CACNA1I: variants seen among roughly 807,000 people sequenced by gnomAD.
CACNA1I encodes the protein voltage-dependent T-type calcium channel subunit alpha-1I.
A neutral mutation model predicts 201.6 loss-of-function variants in CACNA1I; 74 were observed. The observed-to-expected ratio is 0.37, with a 90% CI of 0.30 to 0.45. The LOEUF is 0.45. Among genes scored for constraint, CACNA1I ranks in the 20% least tolerant of loss-of-function variants. The pLI, the probability that CACNA1I is intolerant of heterozygous loss-of-function variation, is 1.00. For missense variants in CACNA1I, 2,346 were observed against 3,138.1 expected (o/e 0.75, Z 6.03); for synonymous variants, 1,431 against 1,345.2 (o/e 1.06, Z -1.40).
intron 3 of CACNA1I, among the ~76,000 whole-genome samples, chr22:39,610,323 G>A (rs1383494261): frequency 1.3e-5 from 2 of 152,234 alleles, no homozygotes; most frequent in East Asian, 1.9e-4. Context: ...AGGCACGAAA[G>A]AGCTGGGGAG....
chr22:39,624,762 G>A (rs1368205262), intron 4 of CACNA1I, among the ~76,000 whole-genome samples: 1 of 152,226 alleles, frequency 6.6e-6, no homozygotes, highest in Non-Finnish European at 1.5e-5. Flanking sequence ...TTGAGGTGGG[G>A]AAGGGGTGGC....
Position 39,685,960 on chromosome 22 carries a change from G to T in CACNA1I, c.6227G>T (p.Ser2076Ile). ...AGCCTGCGCGGCCGGGGCCTCTTCA[G>T]CCTGCGGGGGCTGCGGGCGCATCAG... ...RLSLRGRGLF[S>I]LRGLRAHQRS... The change falls in exon 37 of 37, where the codon AGC (serine) becomes ATC (isoleucine). Residue 2076 changes from serine (S) to isoleucine (I), a missense_variant. Physicochemically the swap from Ser to Ile is moderately radical, Grantham distance 142. Around this residue, in one of 13 missense-constraint regions of CACNA1I, gnomAD observed 441 missense variants for 555.6 expected, o/e 0.79. Coordinates refer to ENST00000402142, the MANE Select transcript of CACNA1I (RefSeq NM_021096.4). The surrounding 1 kb of genome is among the most constrained non-coding windows in gnomAD (Gnocchi z 5.0). The T allele has an allele frequency of 3.2e-6, 4 of 1,261,032 alleles. No homozygotes were observed. Among genetic ancestry groups the T allele is most frequent in the Non-Finnish European group, 4.0e-6 (4 of 1,010,630 alleles). 78.1% of individuals were successfully genotyped at this position (1,261,032 alleles called of 1,614,324 possible).
intron 24 of CACNA1I, among the ~76,000 whole-genome samples, chr22:39,669,611 G>T (rs906208427): frequency 3.3e-5 from 5 of 152,004 alleles, no homozygotes; most frequent in Admixed American, 2.6e-4. Flanking sequence ...CTGGTGGGTA[G>T]ATGGATGGGT....
Position 39,604,290 on chromosome 22 carries a change from G to A in CACNA1I, c.482+3637G>A, listed in dbSNP as rs186915996. Among the ~76,000 whole-genome samples, 316 of 152,282 alleles carry A rather than the reference G, an allele frequency of 2.1e-3. 1 individual carries two copies. The highest frequency in any genetic ancestry group is 3.8e-3 in the Non-Finnish European group (259 of 68,026). The stretch of plus-strand genomic sequence containing the variant: ...GGCTCTAAGCTGAGCAGGGTGAAGA[G>A]CTGCCTAGCTTCAGCATTGTGGTGA... On this transcript the variant is annotated intron_variant, in intron 3 of 36. Coordinates refer to ENST00000402142, the MANE Select transcript of CACNA1I (RefSeq NM_021096.4).
In CACNA1I at chr22:39,662,443, G is replaced by A; in HGVS notation, c.3372+8G>A. 7.0e-7 allele frequency: 1 copy of A among 1,426,188 alleles called. No homozygotes were observed. The highest frequency in any genetic ancestry group is 1.5e-5 in the South Asian group (1 of 66,870). 88.3% of individuals were successfully genotyped at this position (1,426,188 alleles called of 1,614,324 possible). ...GAGGAGGAAATCGACTACGTGAGTG[G>A]GGGCGGGGCCGAAGGGGACCTGGTG... On this transcript the variant is annotated splice_region_variant and intron_variant, in intron 17 of 36. Coordinates refer to ENST00000402142, the MANE Select transcript of CACNA1I (RefSeq NM_021096.4).
At chr22:39,675,540 C>T (rs8136019) in intron 29 of CACNA1I, among the ~76,000 whole-genome samples, 25,926 of 152,282 alleles carry the variant, frequency 0.17, 2,767 homozygotes, top group Middle Eastern at 0.31. Flanking sequence ...AGAAGAAGCA[C>T]GTGCCAAGTG....
rs555144371 is a variant in CACNA1I, at chr22:39,661,189, C to T, written c.2780C>T (p.Ala927Val). The change falls in exon 16 of 37, where the codon GCT becomes GTT. Residue 927 changes from alanine (A) to valine (V), a missense_variant. Coordinates refer to ENST00000402142, the MANE Select transcript of CACNA1I (RefSeq NM_021096.4). ...SLPLGGHLGPAGAAGPAPRLS... is the reference protein window; with the variant it reads ...SLPLGGHLGPVGAAGPAPRLS... Reference sequence around the variant, plus strand: ...CCACTGGGTGGGCACCTAGGTCCTGCTGGGGCTGCGGGACCTGCCCCCCGA... The same window carrying T: ...CCACTGGGTGGGCACCTAGGTCCTGTTGGGGCTGCGGGACCTGCCCCCCGA... The T allele has an allele frequency of 6.2e-7, 1 of 1,612,630 alleles. No homozygotes were observed. The highest frequency in any genetic ancestry group is 1.3e-5 in the African/African-American group (1 of 75,030).
chr22:39,617,551 G>A (rs998312500), intron 3 of CACNA1I, among the ~76,000 whole-genome samples: 3 of 152,160 alleles, frequency 2.0e-5, no homozygotes, highest in African/African-American at 4.8e-5. Flanking sequence ...CCTGGGCCCC[G>A]CGGGTGCCAG....
intron 28 of CACNA1I, 44 bp downstream of exon 28, chr22:39,673,126 C>T (rs199920557): frequency 3.2e-4 from 362 of 1,127,812 alleles, no homozygotes; most frequent in Non-Finnish European, 4.0e-4. Flanking sequence ...CAAGCAGGGG[C>T]GGGATGAGAC....
chr22:39,662,555 G>A (rs1302638302), intron 17 of CACNA1I, 120 bp downstream of exon 17: 2 of 776,830 alleles, frequency 2.6e-6, no homozygotes, highest in Admixed American at 3.2e-5. Flanking sequence ...GGGCGTGGCC[G>A]GAGCGGCTAG....
intron 14 of CACNA1I, 51 bp from the exon 15 acceptor site, chr22:39,660,293 A>G (rs567321615): frequency 1.0e-4 from 143 of 1,390,948 alleles, no homozygotes; most frequent in Non-Finnish European, 1.3e-4. Flanking sequence ...GGGAGCTGGG[A>G]AGGGAGGAGC....
At chr22:39,617,420 G>A (rs914183585) in intron 3 of CACNA1I, among the ~76,000 whole-genome samples, 18 of 137,828 alleles carry the variant, frequency 1.3e-4, no homozygotes, top group East Asian at 1.1e-3. Context: ...CCCCCACCCC[G>A]CCCCCCACAG....
At chr22:39,592,088 G>C (rs1035123730) in intron 1 of CACNA1I, among the ~76,000 whole-genome samples, 1 of 152,188 alleles carries the variant, frequency 6.6e-6, no homozygotes, top group Non-Finnish European at 1.5e-5. Flanking sequence ...GAGGGCCCAG[G>C]CTGTGCTGAG....
chr22:39,684,619 C>G lies in CACNA1I; in HGVS notation c.6027+121C>G. 2.8e-6 allele frequency: 3 copies of G among 1,060,866 alleles called. No homozygotes were observed. Among genetic ancestry groups the G allele is most frequent in the Non-Finnish European group, 4.2e-6 (3 of 722,350 alleles). 65.7% of individuals were successfully genotyped at this position (1,060,866 alleles called of 1,614,324 possible). ...CCCAACCAAAGGCCGAGGGCACCAC[C>G]GTGCAAGGGGGTTTGGGAACGCTGG... On this transcript the variant is annotated intron_variant, in intron 36 of 36. Transcript: ENST00000402142. This position sits in a 1 kb window ranked among gnomAD's most constrained non-coding sequence, Gnocchi z 4.6.
chr22:39,583,986 G>A (rs1339044188), intron 1 of CACNA1I, among the ~76,000 whole-genome samples: 1 of 152,222 alleles, frequency 6.6e-6, no homozygotes, highest in African/African-American at 2.4e-5. Context: ...GAGGCTGGAG[G>A]GAGACCAAGA....
intron 4 of CACNA1I, among the ~76,000 whole-genome samples, chr22:39,628,758 C>G (rs1316093577): frequency 6.6e-6 from 1 of 152,152 alleles, no homozygotes; most frequent in Non-Finnish European, 1.5e-5. Context: ...TCCCAGCCGC[C>G]CAGCCCCTTT....
At chr22:39,596,929 G>C (rs992159665) in intron 1 of CACNA1I, among the ~76,000 whole-genome samples, 1 of 152,112 alleles carries the variant, frequency 6.6e-6, no homozygotes, top group Admixed American at 6.5e-5. Context: ...CTCAGTTTCT[G>C]GGGGAGGAAA....
chr22:39,673,110 C>T lies in CACNA1I; in HGVS notation c.4783+28C>T, dbSNP rs761534758. On this transcript the variant is annotated intron_variant, in intron 28 of 36. Coordinates refer to ENST00000402142, the MANE Select transcript of CACNA1I (RefSeq NM_021096.4). ...GAGGGGCAAGGGGTGGGACAGGGAA[C>T]GGGGACAAGCAGGGGCGGGATGAGA... 1.9e-5 allele frequency: 25 copies of T among 1,323,128 alleles called. 1 individual carries two copies. The highest frequency in any genetic ancestry group is 5.0e-5 in the East Asian group (1 of 19,990). 82.0% of individuals were successfully genotyped at this position (1,323,128 alleles called of 1,614,324 possible). A position where few individuals can be genotyped will look rare whatever the true frequency, so the allele number is the denominator to read the frequency against.
At chr22:39,601,618 G>A (rs1213059306) in intron 3 of CACNA1I, among the ~76,000 whole-genome samples, 1 of 152,018 alleles carries the variant, frequency 6.6e-6, no homozygotes, top group East Asian at 1.9e-4. Context: ...GTGTGTATGT[G>A]TGTGACCTCG....
Sources: allele counts gnomAD v4.1 joint callset (sites outside exome capture counted in the v4.1 genomes callset), GRCh38; gene constraint gnomAD v4.1.1; regional missense constraint gnomAD v4.1.1; non-coding constraint Gnocchi (gnomAD v3.1); transcripts MANE v1.5; gene names NCBI Gene and HGNC (gene_info 2026-07-23, HGNC 2026-07-21).